CC2D2A: variants seen among roughly 807,000 people sequenced by gnomAD.
CC2D2A encodes coiled-coil and C2 domain containing 2A, also known as coiled-coil and C2 domain-containing protein 2A.
In CC2D2A, 155 loss-of-function variants were observed where a neutral mutation model predicts 212.9. The observed-to-expected ratio is 0.73, with a 90% CI of 0.64 to 0.83. The LOEUF is 0.83. Among genes scored for constraint, CC2D2A ranks in the 40% least tolerant of loss-of-function variants. The pLI is 0.00. For missense variants in CC2D2A, 1,856 were observed against 1,956.2 expected, an observed-to-expected ratio of 0.95 and a Z score of 0.97; for synonymous variants, 667 against 686.5, an observed-to-expected ratio of 0.97 and a Z score of 0.44.
At chr4:15,501,239 T>C (rs567673209) in intron 4 of CC2D2A, among the ~76,000 whole-genome samples, 1 of 152,160 alleles carries the variant, frequency 6.6e-6, no homozygotes, top group Non-Finnish European at 1.5e-5. Flanking sequence ...CTGCTGACCA[T>C]TTTTCCATAC....
At position 15,479,485 on chromosome 4, in the gene CC2D2A, G is replaced by A. The variant is rs76432934; in HGVS notation, c.123+679G>A. 0.022 allele frequency among the ~76,000 whole-genome samples: 3,315 copies of A among 152,232 alleles called. 122 individuals carry two copies. The highest frequency in any genetic ancestry group is 0.075 in the African/African-American group (3,135 of 41,524). Reference sequence around the variant, plus strand: ...CAGTCACGTGAAGGGGCTGCAGAGAGGGGTGGCCAGGAGAGATGAAGAGGT... The same window carrying A: ...CAGTCACGTGAAGGGGCTGCAGAGAAGGGTGGCCAGGAGAGATGAAGAGGT... On this transcript the variant is annotated intron_variant, in intron 3 of 36. Coordinates refer to ENST00000424120, the MANE Select transcript of CC2D2A (RefSeq NM_001378615.1).
rs559633217 is a variant in CC2D2A, at chr4:15,598,155, T to C, written c.4496+690T>C. 2.1e-3 allele frequency among the ~76,000 whole-genome samples: 324 copies of C among 152,356 alleles called. 1 individual carries two copies. The highest frequency in any genetic ancestry group is 2.7e-3 in the Non-Finnish European group (187 of 68,038). On this transcript the variant is annotated intron_variant, in intron 35 of 36. Coordinates refer to ENST00000424120, the MANE Select transcript of CC2D2A (RefSeq NM_001378615.1). ...CTAATCTCCAAACAACCTTTTTGTT[T>C]TTTTCTGATAGCTTCAACATGCTAT...
At chr4:15,537,328 CTG>C (rs1331966907) in intron 15 of CC2D2A, among the ~76,000 whole-genome samples, 1 of 152,238 alleles carries the variant, frequency 6.6e-6, no homozygotes, top group African/African-American at 2.4e-5. Context: ...TGGTAGCACT[CTG>C]TGCCTATTTA....
rs1170204399 is a variant in CC2D2A at position 15,569,357 on chromosome 4, AT to A, written c.3468del (p.Phe1156LeufsTer9). On this transcript the variant is annotated frameshift_variant, in exon 27 of 37. Transcript: ENST00000424120. LOFTEE classifies it high-confidence loss of function. ...AGTGAAAGATGTTGTGTTCATTAAC[AT>A]TTTTGATGAAGTACTGCATGATGTC... ...QSVKDVVFIN[I>X]FDEVLHDVLE... 2 of 1,578,440 alleles carry A rather than the reference AT, an allele frequency of 1.3e-6. No homozygotes were observed. Among genetic ancestry groups the A allele is most frequent in the Non-Finnish European group, 1.7e-6 (2 of 1,160,046 alleles).
intron 1 of CC2D2A, among the ~76,000 whole-genome samples, chr4:15,475,671 G>A (rs2108965378): frequency 6.6e-6 from 1 of 152,266 alleles, no homozygotes; most frequent in East Asian, 1.9e-4. Context: ...TCCAACCAGT[G>A]CCATCCAACT....
At chr4:15,589,159 T>C (rs1458896741) in intron 32 of CC2D2A, among the ~76,000 whole-genome samples, 1 of 152,012 alleles carries the variant, frequency 6.6e-6, no homozygotes, top group Non-Finnish European at 1.5e-5. Flanking sequence ...ATATTAGAAA[T>C]AGAAATATTT....
chr4:15,598,426 A>G (rs1003580934), intron 35 of CC2D2A, among the ~76,000 whole-genome samples: 1 of 152,232 alleles, frequency 6.6e-6, no homozygotes, highest in African/African-American at 2.4e-5. Context: ...CCTTTGCCTT[A>G]GTCAAATCAC....
At chr4:15,599,087 G>A (rs753815076) in intron 35 of CC2D2A, among the ~76,000 whole-genome samples, 3 of 152,254 alleles carry the variant, frequency 2.0e-5, no homozygotes, top group South Asian at 2.1e-4. Context: ...ACTTGAGCCC[G>A]AGAGTTGAGG....
intron 13 of CC2D2A, among the ~76,000 whole-genome samples, chr4:15,531,174 A>G (rs1372315348): frequency 6.6e-6 from 1 of 152,040 alleles, no homozygotes; most frequent in Non-Finnish European, 1.5e-5. Context: ...AAACCATCCT[A>G]TCTCACTCCT....
chr4:15,562,319 G>T (rs1484928935), intron 23 of CC2D2A, among the ~76,000 whole-genome samples: 1 of 152,212 alleles, frequency 6.6e-6, no homozygotes, highest in Non-Finnish European at 1.5e-5. Context: ...AGCTGGCTTT[G>T]TTCTTTGGCT....
At chr4:15,480,052 G>A (rs376726057) in intron 3 of CC2D2A, among the ~76,000 whole-genome samples, 17 of 152,144 alleles carry the variant, frequency 1.1e-4, no homozygotes, top group African/African-American at 3.4e-4. Context: ...ATCTATTTAC[G>A]TCAGAATCTC....
intron 2 of CC2D2A, among the ~76,000 whole-genome samples, chr4:15,476,639 A>C (rs1714231715): frequency 6.6e-6 from 1 of 152,216 alleles, no homozygotes; most frequent in Admixed American, 6.5e-5. Flanking sequence ...ACAGCAGCTC[A>C]AAGTTACTAC....
At chr4:15,524,203 G>A (rs1422367268) in intron 11 of CC2D2A, among the ~76,000 whole-genome samples, 5 of 151,842 alleles carry the variant, frequency 3.3e-5, no homozygotes, top group African/African-American at 9.7e-5. Flanking sequence ...GTGTAATCTC[G>A]GCTCACTGCA....
intron 6 of CC2D2A, among the ~76,000 whole-genome samples, chr4:15,506,622 C>T (rs1289306130): frequency 1.3e-5 from 2 of 152,126 alleles, no homozygotes; most frequent in Admixed American, 1.3e-4. Context: ...AGTCTCTCTC[C>T]TTTGCTACAG....
At chr4:15,493,587 C>T (rs1033712176) in intron 4 of CC2D2A, among the ~76,000 whole-genome samples, 2 of 152,140 alleles carry the variant, frequency 1.3e-5, no homozygotes, top group African/African-American at 4.8e-5. Context: ...CTATTTAAAA[C>T]TGCAATTCAC....
rs1438904850 is a variant in CC2D2A at position 15,519,244 on chromosome 4, C to A, written c.1149+2488C>A. ...AATCTCTAGGGCAGAGGCAAAATGA[C>A]ACCAGTCTCTTTGCTAAAATATAAC... On this transcript the variant is annotated intron_variant, in intron 11 of 36. Coordinates refer to ENST00000424120, the MANE Select transcript of CC2D2A (RefSeq NM_001378615.1). The A allele has an allele frequency of 4.4e-5, 16 of 364,882 alleles. No individual in the cohort carries two copies. The Admixed American group carries it at 5.5e-4, about 13-fold the overall frequency. 22.6% of individuals were successfully genotyped at this position (364,882 alleles called of 1,614,324 possible).
At chr4:15,508,086 T>C (rs775681726) in intron 6 of CC2D2A, among the ~76,000 whole-genome samples, 1 of 152,194 alleles carries the variant, frequency 6.6e-6, no homozygotes, top group African/African-American at 2.4e-5. Flanking sequence ...TTTTGGGCCA[T>C]CTGTTTCTGA....
At chr4:15,566,538 T>C (rs1036045747) in intron 24 of CC2D2A, among the ~76,000 whole-genome samples, 1 of 151,956 alleles carries the variant, frequency 6.6e-6, no homozygotes, top group African/African-American at 2.4e-5. Context: ...GGCCTGGGCA[T>C]GGAAGTTGGG....
intron 4 of CC2D2A, among the ~76,000 whole-genome samples, chr4:15,486,599 AAC>A (rs568740759): frequency 2.1e-3 from 322 of 152,172 alleles, no homozygotes; most frequent in African/African-American, 7.5e-3. Context: ...CTTTTCAAAA[AAC>A]AACTTTTCAT....
Sources: gnomAD v4.1 joint callset for allele counts (sites outside exome capture counted in the v4.1 genomes callset) on GRCh38, gnomAD v4.1.1 for gene constraint, MANE v1.5 for transcripts, NCBI Gene and HGNC (gene_info 2026-07-23, HGNC 2026-07-21) for gene names.